Variants in SGCZ observed in about 807,000 individuals in gnomAD.
SGCZ encodes sarcoglycan zeta.
In SGCZ, 40 loss-of-function variants were observed where a neutral mutation model predicts 41.3. The ratio of observed to expected loss-of-function variants is 0.97; its 90% CI spans 0.75 to 1.26. The LOEUF (loss-of-function observed/expected upper bound fraction) is 1.26, where lower values mean the gene tolerates loss of function less well. SGCZ is among the 50% of genes most tolerant of loss of function. The pLI, the probability that SGCZ is intolerant of heterozygous loss-of-function variation, is 0.00. For missense variants in SGCZ, 552 were observed against 369.8 expected (o/e 1.49, Z -4.04); for synonymous variants, 206 against 137.5 (o/e 1.50, Z -3.49).
In SGCZ at chr8:15,046,463, G is replaced by C. The variant is rs1253498827; in HGVS notation, c.39+191122C>G. 7.2e-5 allele frequency among the ~76,000 whole-genome samples: 11 copies of C among 151,750 alleles called. No homozygotes were observed. In the East Asian group the frequency reaches 2.1e-3, roughly 29 times the overall value. ...ATCTATTATTAGTATTATTTATCTT[G>C]ATGCTAAAATTATTCCAGATTTGGC... On this transcript the variant is annotated intron_variant, in intron 1 of 7. Coordinates refer to ENST00000382080, the MANE Select transcript of SGCZ (RefSeq NM_139167.4).
intron 2 of SGCZ, among the ~76,000 whole-genome samples, chr8:14,381,604 G>A (rs767681116): frequency 5.9e-5 from 9 of 151,554 alleles, no homozygotes; most frequent in Admixed American, 1.3e-4. Flanking sequence ...ATGAAACCCC[G>A]GTTCTACAAA....
At chr8:14,674,970 C>A (rs73202814) in intron 1 of SGCZ, among the ~76,000 whole-genome samples, 39,203 of 120,844 alleles carry the variant, frequency 0.32, 8,316 homozygotes, top group African/African-American at 0.61. Flanking sequence ...ATGGAGTCTC[C>A]CTCTGTCGTC....
At position 14,564,097 on chromosome 8, in the gene SGCZ, G is replaced by A. The variant is rs367685185; in HGVS notation, c.40-9171C>T. ...TGGGAAATATGAATATAAAAGAGAA[G>A]CATGTGAGTCCTGGATAGCAAGATA... On this transcript the variant is annotated intron_variant, in intron 1 of 7. Transcript: ENST00000382080. Among the ~76,000 whole-genome samples the A allele has an allele frequency of 4.6e-5, 7 of 152,258 alleles. No individual in the cohort carries two copies. In the East Asian group the frequency reaches 7.7e-4, roughly 17 times the overall value.
At chr8:14,298,106 T>C (rs149889866) in intron 3 of SGCZ, among the ~76,000 whole-genome samples, 146 of 151,962 alleles carry the variant, frequency 9.6e-4, no homozygotes, top group African/African-American at 3.5e-3. Context: ...AATGAGCAAA[T>C]AAAAAGATTA....
intron 2 of SGCZ, among the ~76,000 whole-genome samples, chr8:14,406,704 T>C (rs904682034): frequency 1.5e-5 from 2 of 133,516 alleles, no homozygotes; most frequent in Non-Finnish European, 3.2e-5. Context: ...CCCTGAAAAT[T>C]ACTGCCCCTT....
rs59212700 is a variant in SGCZ, at chr8:14,765,967, C to CTTT, written c.40-211044_40-211042dup. Among the ~76,000 whole-genome samples the CTTT allele has an allele frequency of 2.8e-3, 397 of 141,566 alleles. 4 individuals are homozygous for CTTT. The highest frequency in any genetic ancestry group is 7.0e-3 in the South Asian group (31 of 4,444). 92.9% of individuals were successfully genotyped at this position (141,566 alleles called of 152,430 possible). A position where few individuals can be genotyped will look rare whatever the true frequency, so the allele number is the denominator to read the frequency against. The stretch of plus-strand genomic sequence containing the variant: ...TGGAACAACTCTTGCATATGATAGT[C>CTTT]TTTTTTTTTTTTTTTTTAACAGAGG... On this transcript the variant is annotated intron_variant, in intron 1 of 7. Transcript: ENST00000382080.
chr8:14,184,703 A>G (rs1269572707), intron 4 of SGCZ, among the ~76,000 whole-genome samples: 1 of 152,186 alleles, frequency 6.6e-6, no homozygotes, highest in East Asian at 1.9e-4. Context: ...AAAAACAGAT[A>G]TTTTCCAAAT....
chr8:15,100,970 T>C (rs919409759), intron 1 of SGCZ, among the ~76,000 whole-genome samples: 1 of 151,058 alleles, frequency 6.6e-6, no homozygotes, highest in Non-Finnish European at 1.5e-5. Flanking sequence ...AGTGAGACCA[T>C]GTCTCAAAAA....
chr8:14,207,801 C>A (rs1805667202), intron 4 of SGCZ, among the ~76,000 whole-genome samples: 1 of 152,098 alleles, frequency 6.6e-6, no homozygotes, highest in African/African-American at 2.4e-5. Context: ...TCATGAAGGG[C>A]AGGGATCTTT....
At chr8:14,426,095 T>C (rs1019874282) in intron 2 of SGCZ, among the ~76,000 whole-genome samples, 5 of 152,154 alleles carry the variant, frequency 3.3e-5, no homozygotes, top group African/African-American at 4.8e-5. Context: ...CTTCAACAAA[T>C]GTTTATTGAG....
At chr8:14,582,211 G>A (rs964092475) in intron 1 of SGCZ, among the ~76,000 whole-genome samples, 2 of 151,930 alleles carry the variant, frequency 1.3e-5, no homozygotes, top group Admixed American at 1.3e-4. Flanking sequence ...GATAACATAA[G>A]CAGTCGAAAG....
chr8:14,572,966 A>G (rs1804598825), intron 1 of SGCZ, among the ~76,000 whole-genome samples: 1 of 152,188 alleles, frequency 6.6e-6, no homozygotes, highest in African/African-American at 2.4e-5. Flanking sequence ...AAATATCACA[A>G]CATATAATAC....
At chr8:14,315,809 A>C (rs1428950909) in intron 3 of SGCZ, among the ~76,000 whole-genome samples, 1 of 151,700 alleles carries the variant, frequency 6.6e-6, no homozygotes, top group Non-Finnish European at 1.5e-5. Flanking sequence ...AAAAATATTT[A>C]ATTGATTCAA....
chr8:14,907,179 T>C (rs1006363465), intron 1 of SGCZ, among the ~76,000 whole-genome samples: 2 of 152,114 alleles, frequency 1.3e-5, no homozygotes, highest in African/African-American at 4.8e-5. Context: ...TCAATGGGTT[T>C]CATATGTTTT....
chr8:14,833,534 T>C (rs1802600010), intron 1 of SGCZ, among the ~76,000 whole-genome samples: 2 of 152,190 alleles, frequency 1.3e-5, no homozygotes, highest in South Asian at 2.1e-4. Context: ...CTAGGCTGAT[T>C]GTTCTTAACA....
intron 2 of SGCZ, among the ~76,000 whole-genome samples, chr8:14,342,946 G>T (rs939422874): frequency 6.6e-6 from 1 of 152,140 alleles, no homozygotes; most frequent in Non-Finnish European, 1.5e-5. Flanking sequence ...GGGTCCCTGG[G>T]CTGTGTGTGC....
chr8:14,855,131 C>A (rs1158550412), intron 1 of SGCZ, among the ~76,000 whole-genome samples: 1 of 151,984 alleles, frequency 6.6e-6, no homozygotes, highest in Non-Finnish European at 1.5e-5. Flanking sequence ...TGGCTCACTG[C>A]AACCTCTGCC....
intron 1 of SGCZ, among the ~76,000 whole-genome samples, chr8:14,702,855 A>AGATAGAT: frequency 6.7e-6 from 1 of 148,688 alleles, no homozygotes; most frequent in African/African-American, 2.5e-5. Context: ...ATAGATAGAT[A>AGATAGAT]GATAGATAGA....
chr8:15,006,951 AT>A (rs1184386358), intron 1 of SGCZ, among the ~76,000 whole-genome samples: 1 of 152,230 alleles, frequency 6.6e-6, no homozygotes, highest in African/African-American at 2.4e-5. Flanking sequence ...TGTGCCATGC[AT>A]TTGAAGAAAG....
Sources: gnomAD v4.1 joint callset for allele counts (sites outside exome capture counted in the v4.1 genomes callset) on GRCh38, gnomAD v4.1.1 for gene constraint, MANE v1.5 for transcripts, NCBI Gene and HGNC (gene_info 2026-07-23, HGNC 2026-07-21) for gene names.